The following MRAP2 variants were observed in gnomAD, a reference collection of about 807,000 sequenced individuals.
MRAP2 encodes the protein melanocortin-2 receptor accessory protein 2.
In MRAP2, 20 loss-of-function variants were observed where a neutral mutation model predicts 17.4. That is an observed-to-expected ratio of 1.15 (90% CI 0.81 to 1.67). The LOEUF is 1.67. Among genes scored for constraint, MRAP2 ranks in the 40% most tolerant of loss-of-function variants. MRAP2 has a pLI of 0.00. For missense variants in MRAP2, 238 were observed against 240.0 expected (o/e 0.99, Z 0.05); for synonymous variants, 96 against 88.4 (o/e 1.09, Z -0.48).
chr6:84,087,326 T>C (rs765940974), intron 3 of MRAP2, among the ~76,000 whole-genome samples: 2 of 152,216 alleles, frequency 1.3e-5, no homozygotes, highest in Non-Finnish European at 2.9e-5. Flanking sequence ...GAGTTTCTGA[T>C]TGACCTCTCC....
At chr6:84,067,564 T>C (rs2099495069) in intron 3 of MRAP2, among the ~76,000 whole-genome samples, 1 of 152,192 alleles carries the variant, frequency 6.6e-6, no homozygotes, top group East Asian at 1.9e-4. Context: ...GATTTTTTGA[T>C]TATGGCCATT....
intron 3 of MRAP2, among the ~76,000 whole-genome samples, chr6:84,067,346 C>G (rs1332928453): frequency 6.6e-6 from 1 of 152,154 alleles, no homozygotes; most frequent in Non-Finnish European, 1.5e-5. Context: ...AAGCATGTGT[C>G]TGCAAGTATC....
At chr6:84,037,975 A>C (rs570975027) in intron 1 of MRAP2, among the ~76,000 whole-genome samples, 30 of 152,326 alleles carry the variant, frequency 2.0e-4, no homozygotes, top group Admixed American at 3.9e-4. Flanking sequence ...GAGGGCTGCT[A>C]GCATGTTGTC....
chr6:84,125,812 A>C, the MRAP2 span, among the ~76,000 whole-genome samples: 6,458 of 152,186 alleles, frequency 0.042, 198 homozygotes, highest in Admixed American at 0.086. Context: ...TGAGAAGATA[A>C]ATTTTTCCTG....
rs140851566 is a variant in MRAP2, at chr6:84,035,388, G to A, written c.-8+1505G>A. On this transcript the variant is annotated intron_variant, in intron 1 of 3. Transcript: ENST00000257776. ...TAGGGAAGCATTTACAAATACTTAC[G>A]CCAAACCAACTCCCTTCCCTTTTCT... The A allele has an allele frequency of 4.3e-4, 422 of 981,970 alleles. 1 individual carries two copies. In the African/African-American group the frequency reaches 5.4e-3, roughly 13 times the overall value. The allele number at this position is 981,970 out of a possible 1,614,324, so 60.8% of individuals were successfully genotyped here.
intron 3 of MRAP2, among the ~76,000 whole-genome samples, chr6:84,065,548 A>G (rs1352854643): frequency 1.3e-5 from 2 of 152,214 alleles, no homozygotes; most frequent in Non-Finnish European, 2.9e-5. Flanking sequence ...CACAACTCGT[A>G]GAGTGGTCAG....
chr6:84,040,214 A>T (rs1238323364), intron 1 of MRAP2, among the ~76,000 whole-genome samples: 2 of 152,186 alleles, frequency 1.3e-5, no homozygotes, highest in Non-Finnish European at 2.9e-5. Flanking sequence ...TGCTGCCGCT[A>T]TGTAAAGAAG....
the MRAP2 span, among the ~76,000 whole-genome samples, chr6:84,139,436 T>C: frequency 6.6e-6 from 1 of 152,260 alleles, no homozygotes; most frequent in Non-Finnish European, 1.5e-5. Context: ...TTAATAAATT[T>C]GTTTTTCTCT....
At chr6:84,092,826 A>C (rs937504059), downstream of MRAP2, among the ~76,000 whole-genome samples, 4 of 152,170 alleles carry the variant, frequency 2.6e-5, no homozygotes, top group African/African-American at 9.7e-5. Flanking sequence ...ATACAAGTGG[A>C]CACGTGCAGT....
At chr6:84,056,558 G>A (rs1005569433) in intron 2 of MRAP2, among the ~76,000 whole-genome samples, 1 of 152,190 alleles carries the variant, frequency 6.6e-6, no homozygotes, top group Non-Finnish European at 1.5e-5. Context: ...ATCAAGGTAT[G>A]CTGTCATTGA....
Position 84,089,554 on chromosome 6 carries a change from C to A in MRAP2, c.*73C>A. 2.7e-6 allele frequency: 4 copies of A among 1,505,146 alleles called. No homozygotes were observed. Among genetic ancestry groups the A allele is most frequent in the Non-Finnish European group, 3.6e-6 (4 of 1,111,902 alleles). The allele number at this position is 1,505,146 out of a possible 1,614,324, so 93.2% of individuals were successfully genotyped here. A position where few individuals can be genotyped will look rare whatever the true frequency, so the allele number is the denominator to read the frequency against. Reference sequence around the variant, plus strand: ...TATGTAGCAAGAAATCTACATCCACCAAAATTGTGTGTGTTTGGGGGAGAG... The same window carrying A: ...TATGTAGCAAGAAATCTACATCCACAAAAATTGTGTGTGTTTGGGGGAGAG... On this transcript the variant is annotated 3_prime_UTR_variant, in exon 4 of 4. Coordinates refer to ENST00000257776, the MANE Select transcript of MRAP2 (RefSeq NM_138409.4).
At chr6:84,056,981 T>C (rs568752503) in intron 2 of MRAP2, among the ~76,000 whole-genome samples, 2 of 152,342 alleles carry the variant, frequency 1.3e-5, no homozygotes, top group South Asian at 2.1e-4. Context: ...TTACCTACTA[T>C]ACCATTAATA....
chr6:84,118,492 A>G, the MRAP2 span, among the ~76,000 whole-genome samples: 1 of 152,176 alleles, frequency 6.6e-6, no homozygotes, highest in Non-Finnish European at 1.5e-5. Flanking sequence ...ATGAAGAGGA[A>G]CAGATGAGTC....
At chr6:84,056,152 G>A (rs1034305354) in intron 2 of MRAP2, among the ~76,000 whole-genome samples, 1 of 152,154 alleles carries the variant, frequency 6.6e-6, no homozygotes, top group East Asian at 1.9e-4. Context: ...TGGTAACCCC[G>A]TAAATATCCC....
intron 1 of MRAP2, among the ~76,000 whole-genome samples, chr6:84,052,566 G>A (rs2129163398): frequency 6.6e-6 from 1 of 152,306 alleles, no homozygotes; most frequent in South Asian, 2.1e-4. Flanking sequence ...AAAAAATAAT[G>A]CCTTGTGGAC....
At chr6:84,128,521 G>C in the MRAP2 span, among the ~76,000 whole-genome samples, 3 of 152,064 alleles carry the variant, frequency 2.0e-5, no homozygotes, top group Non-Finnish European at 4.4e-5. Context: ...TCTAACGGTG[G>C]CACTTCTATA....
chr6:84,068,635 T>G (rs1489450749), intron 3 of MRAP2, among the ~76,000 whole-genome samples: 2 of 151,994 alleles, frequency 1.3e-5, no homozygotes, highest in Admixed American at 6.6e-5. Context: ...TTTGTTTTTT[T>G]GTTTTTTGTT....
chr6:84,113,130 G>T, the MRAP2 span, among the ~76,000 whole-genome samples: 1 of 152,162 alleles, frequency 6.6e-6, no homozygotes, highest in South Asian at 2.1e-4. Flanking sequence ...CCAGAGCTGA[G>T]TTCGAGTCCT....
At chr6:84,056,086 A>G (rs907061790) in intron 2 of MRAP2, among the ~76,000 whole-genome samples, 1 of 152,224 alleles carries the variant, frequency 6.6e-6, no homozygotes, top group Non-Finnish European at 1.5e-5. Flanking sequence ...TTCATTAGGT[A>G]GAGTTAACAG....
Sources: allele counts gnomAD v4.1 joint callset (sites outside exome capture counted in the v4.1 genomes callset), GRCh38; gene constraint gnomAD v4.1.1; transcripts MANE v1.5; gene names NCBI Gene and HGNC (gene_info 2026-07-23, HGNC 2026-07-21).